The following RPS18 variants were observed in gnomAD, a reference collection of about 807,000 sequenced individuals.
The protein encoded by RPS18 is small ribosomal subunit protein uS13.
For missense variants in RPS18, 49 were observed against 200.8 expected (o/e 0.24, Z 4.57); for synonymous variants, 64 against 70.9 (o/e 0.90, Z 0.49).
rs373729309 is a variant in RPS18, at chr6:33,272,099, G to T, written c.-21G>T. ...TCTCTCTTCCACAGGAGGCCTACAC[G>T]CCGCCGCTTGTGCTGCAGCCATGGT... On this transcript the variant is annotated 5_prime_UTR_variant, in exon 1 of 6. Coordinates refer to ENST00000439602, the MANE Select transcript of RPS18 (RefSeq NM_022551.3). The T allele has an allele frequency of 1.3e-6, 2 of 1,566,110 alleles. No individual in the cohort carries two copies. Among genetic ancestry groups the T allele is most frequent in the East Asian group, 2.4e-5 (1 of 42,306 alleles).
intron 1 of RPS18, 24 bp from the exon 2 acceptor site, chr6:33,272,604 C>A: frequency 1.0e-6 from 1 of 1,002,910 alleles, no homozygotes; most frequent in Non-Finnish European, 1.6e-6. Flanking sequence ...TGTCTGATTT[C>A]TTCCCCCGTA....
chr6:33,273,716 A>G (rs571845652), intron 2 of RPS18, among the ~76,000 whole-genome samples: 1 of 152,196 alleles, frequency 6.6e-6, no homozygotes, highest in Non-Finnish European at 1.5e-5. Flanking sequence ...TAAAAATTAG[A>G]AATCTTATTT....
chr6:33,275,895 G>C lies in RPS18; in HGVS notation c.189+12G>C. On this transcript the variant is annotated intron_variant, in intron 3 of 5. Transcript: ENST00000439602. ...TCACTGAGGATGAGGTGAGGACAAG[G>C]AAGGGGGCTGGGGGTGGGGTCAGCC... is the stretch of plus-strand genomic sequence containing the variant. The C allele has an allele frequency of 6.2e-7, 1 of 1,609,548 alleles. No homozygotes were observed. Among genetic ancestry groups the C allele is most frequent in the Non-Finnish European group, 8.5e-7 (1 of 1,175,928 alleles).
chr6:33,275,786 A>C lies in RPS18; in HGVS notation c.103-11A>C. On this transcript the variant is annotated splice_polypyrimidine_tract_variant and intron_variant, in intron 2 of 5. Transcript: ENST00000439602. ...TTCAACACTAATTCCGAAACCCCTCACTTCATTCAGGGTGTGGGCCGAAGA... is the reference window on the plus strand; with the variant it reads ...TTCAACACTAATTCCGAAACCCCTCCCTTCATTCAGGGTGTGGGCCGAAGA... The C allele has an allele frequency of 6.3e-7, 1 of 1,582,472 alleles. No individual in the cohort carries two copies. The highest frequency in any genetic ancestry group is 8.7e-7 in the Non-Finnish European group (1 of 1,152,578).
chr6:33,273,077 A>G (rs888806625), intron 2 of RPS18, among the ~76,000 whole-genome samples: 2 of 152,168 alleles, frequency 1.3e-5, no homozygotes, highest in African/African-American at 2.4e-5. Context: ...CATAACAGCA[A>G]CCCTTCCTGC....
rs1765213539 is a variant in RPS18 at position 33,272,099 on chromosome 6, GC to G, written c.-19del. On this transcript the variant is annotated 5_prime_UTR_variant, in exon 1 of 6. Coordinates refer to ENST00000439602, the MANE Select transcript of RPS18 (RefSeq NM_022551.3). ...TCTCTCTTCCACAGGAGGCCTACAC[GC>G]CGCCGCTTGTGCTGCAGCCATGGTA... 1 of 1,566,108 alleles carries G rather than the reference GC, an allele frequency of 6.4e-7. No homozygotes were observed. Among genetic ancestry groups the G allele is most frequent in the African/African-American group, 1.4e-5 (1 of 73,794 alleles).
In RPS18 at chr6:33,276,380, T is replaced by C. The variant is rs759696980; in HGVS notation, c.384-11T>C. On this transcript the variant is annotated splice_polypyrimidine_tract_variant and intron_variant, in intron 5 of 5. Coordinates refer to ENST00000439602, the MANE Select transcript of RPS18 (RefSeq NM_022551.3). ...GTGCATGACCTGTGACTCTTCTCTT[T>C]TTACCTGCAGCCTTCGTGTCCGAGG... The C allele has an allele frequency of 9.9e-6, 16 of 1,614,004 alleles. No individual in the cohort carries two copies. The Admixed American group carries it at 2.7e-4, about 27-fold the overall frequency.
intron 2 of RPS18, among the ~76,000 whole-genome samples, chr6:33,274,144 C>A (rs1372233217): frequency 6.6e-6 from 1 of 152,210 alleles, no homozygotes; most frequent in Non-Finnish European, 1.5e-5. Flanking sequence ...TCTTAAACTT[C>A]TGACCTCAGG....
chr6:33,275,994 T>C lies in RPS18; in HGVS notation c.219T>C (p.Asn73=). The C allele has an allele frequency of 6.2e-7, 1 of 1,614,026 alleles. No individual in the cohort carries two copies. The highest frequency in any genetic ancestry group is 8.5e-7 in the Non-Finnish European group (1 of 1,180,002). ...EVERVITIMQ[N]PRQYKIPDWF... Reference sequence around the variant, plus strand: ...AACGTGTGATCACCATTATGCAGAATCCACGCCAGTACAAGATCCCAGACT... The same window carrying C: ...AACGTGTGATCACCATTATGCAGAACCCACGCCAGTACAAGATCCCAGACT... Residue 73 remains asparagine, a synonymous_variant, in exon 4 of 6, where the codon AAT becomes AAC. Coordinates refer to ENST00000439602, the MANE Select transcript of RPS18 (RefSeq NM_022551.3).
intron 2 of RPS18, among the ~76,000 whole-genome samples, chr6:33,273,447 T>C (rs1011695709): frequency 1.3e-5 from 2 of 152,178 alleles, no homozygotes; most frequent in Non-Finnish European, 2.9e-5. Flanking sequence ...TATGTGTCCA[T>C]GCGTGCAGGG....
In RPS18 at chr6:33,276,508, T is replaced by C. The variant is rs1256926264; in HGVS notation, c.*42T>C. The C allele has an allele frequency of 1.5e-5, 22 of 1,447,720 alleles. No homozygotes were observed. The highest frequency in any genetic ancestry group is 2.1e-5 in the Non-Finnish European group (22 of 1,045,610). The allele number at this position is 1,447,720 out of a possible 1,614,324, so 89.7% of individuals were successfully genotyped here. ...TGTTAATAAATAGTTTATATACCTATGGCTTCCTGTCCTTTCTGTCCATTC... is the reference window on the plus strand; with the variant it reads ...TGTTAATAAATAGTTTATATACCTACGGCTTCCTGTCCTTTCTGTCCATTC... On this transcript the variant is annotated 3_prime_UTR_variant, in exon 6 of 6. Transcript: ENST00000439602.
Position 33,276,413 on chromosome 6 carries a change from A to G in RPS18, c.406A>G (p.Thr136Ala). The G allele has an allele frequency of 1.2e-6, 2 of 1,614,072 alleles. No individual in the cohort carries two copies. The highest frequency in any genetic ancestry group is 1.7e-6 in the Non-Finnish European group (2 of 1,179,958). The change falls in exon 6 of 6, where the codon ACC becomes GCC. Residue 136 changes from threonine to alanine, a missense_variant. Thr to Ala is a moderately conservative substitution (Grantham distance 58). Transcript: ENST00000439602. ...CAGCCTTCGTGTCCGAGGCCAGCAC[A>G]CCAAGACCACTGGCCGCCGTGGCCG... ...FWGLRVRGQH[T>A]KTTGRRGRTV...
intron 1 of RPS18, 122 bp from the exon 2 acceptor site, chr6:33,272,506 G>A (rs1765280141): frequency 1.4e-6 from 1 of 734,110 alleles, no homozygotes; most frequent in Non-Finnish European, 2.5e-6. Flanking sequence ...GGAATGGGGG[G>A]CGGGTGTCTT....
chr6:33,274,993 C>G (rs1184720768), intron 2 of RPS18, among the ~76,000 whole-genome samples: 1 of 152,124 alleles, frequency 6.6e-6, no homozygotes, highest in Non-Finnish European at 1.5e-5. Flanking sequence ...GCAGTCAGTT[C>G]TGGGCACTGA....
chr6:33,273,618 A>G (rs1765421770), intron 2 of RPS18, among the ~76,000 whole-genome samples: 1 of 152,234 alleles, frequency 6.6e-6, no homozygotes. Flanking sequence ...GAAATACTGT[A>G]CTTATTTCAG....
Position 33,272,862 on chromosome 6 carries a change from G to A in RPS18, c.102+136G>A, listed in dbSNP as rs144982557. On this transcript the variant is annotated intron_variant, in intron 2 of 5. Coordinates refer to ENST00000439602, the MANE Select transcript of RPS18 (RefSeq NM_022551.3). Reference sequence around the variant, plus strand: ...GACTGCTGGATTAAGAAAAGAAAGTGGTTTAGGGAGAGACTGACCCCTTTA... The same window carrying A: ...GACTGCTGGATTAAGAAAAGAAAGTAGTTTAGGGAGAGACTGACCCCTTTA... The A allele has an allele frequency of 1.5e-3, 1,039 of 671,320 alleles. 4 individuals carry two copies. Among genetic ancestry groups the A allele is most frequent in the African/African-American group, 8.2e-3 (463 of 56,176 alleles). The allele number at this position is 671,320 out of a possible 1,614,324, so 41.6% of individuals were successfully genotyped here.
intron 2 of RPS18, among the ~76,000 whole-genome samples, chr6:33,273,249 C>CG (rs1765373172): frequency 6.6e-6 from 1 of 152,146 alleles, no homozygotes; most frequent in South Asian, 2.1e-4. Context: ...CCTTTCCTGT[C>CG]GAAGTGTGAA....
At chr6:33,273,237 C>T (rs1367877636) in intron 2 of RPS18, among the ~76,000 whole-genome samples, 2 of 152,228 alleles carry the variant, frequency 1.3e-5, no homozygotes, top group African/African-American at 4.8e-5. Context: ...ATAATTGACA[C>T]TCCTTTCCTG....
intron 2 of RPS18, among the ~76,000 whole-genome samples, chr6:33,273,730 C>T (rs1381507662): frequency 2.0e-5 from 3 of 152,188 alleles, no homozygotes; most frequent in Non-Finnish European, 2.9e-5. Context: ...CTTATTTCAT[C>T]TATATCTCTT....
Sources: allele counts gnomAD v4.1 joint callset (sites outside exome capture counted in the v4.1 genomes callset), GRCh38; gene constraint gnomAD v4.1.1; transcripts MANE v1.5; gene names NCBI Gene and HGNC (gene_info 2026-07-23, HGNC 2026-07-21).